Variants in TOGARAM1 observed in about 807,000 individuals in gnomAD.
TOGARAM1 encodes the protein TOG array regulator of axonemal microtubules 1, also known as TOG array regulator of axonemal microtubules protein 1.
A neutral mutation model predicts 166.6 loss-of-function variants in TOGARAM1; 100 were observed. The ratio of observed to expected loss-of-function variants is 0.60; its 90% confidence interval spans 0.51 to 0.71. The LOEUF is 0.71. Among genes scored for constraint, TOGARAM1 ranks in the 30% least tolerant of loss-of-function variants. TOGARAM1 has a pLI of 0.00. For synonymous variants in TOGARAM1, 758 were observed against 763.8 expected (o/e 0.99, Z 0.13); for missense variants, 2,029 against 2,102.7 (o/e 0.96, Z 0.69).
chr14:45,053,333 G>T (rs540582774), intron 15 of TOGARAM1, among the ~76,000 whole-genome samples: 1 of 152,046 alleles, frequency 6.6e-6, no homozygotes, highest in Non-Finnish European at 1.5e-5. Context: ...GAGCCAATGC[G>T]CCCAGCCATG....
intron 14 of TOGARAM1, among the ~76,000 whole-genome samples, chr14:45,051,552 G>C (rs913645570): frequency 3.0e-5 from 4 of 133,592 alleles, no homozygotes; most frequent in Non-Finnish European, 6.2e-5. Flanking sequence ...CCCAACAGAT[G>C]CTTTTTTTTT....
At chr14:45,034,383 T>G (rs1256353006) in intron 11 of TOGARAM1, among the ~76,000 whole-genome samples, 1 of 152,094 alleles carries the variant, frequency 6.6e-6, no homozygotes, top group African/African-American at 2.4e-5. Context: ...CCATGGTGAC[T>G]AGACTTTGCA....
At chr14:44,990,143 T>G (rs1348107580) in intron 1 of TOGARAM1, among the ~76,000 whole-genome samples, 1 of 152,136 alleles carries the variant, frequency 6.6e-6, no homozygotes, top group Non-Finnish European at 1.5e-5. Flanking sequence ...TTTAACCATA[T>G]CATAAACATA....
intron 4 of TOGARAM1, 95 bp from the exon 5 acceptor site, chr14:45,005,913 T>A (rs917269293): frequency 1.9e-5 from 22 of 1,153,212 alleles, no homozygotes; most frequent in African/African-American, 3.1e-5. Flanking sequence ...GTGCTTTTTT[T>A]ATTTTAAAAC....
intron 7 of TOGARAM1, among the ~76,000 whole-genome samples, chr14:45,021,611 T>C (rs1880513417): frequency 6.6e-6 from 1 of 150,994 alleles, no homozygotes; most frequent in African/African-American, 2.4e-5. Context: ...TTCCGGGTTC[T>C]TTTGGCAGTA....
intron 5 of TOGARAM1, 71 bp downstream of exon 5, chr14:45,006,338 A>C: frequency 5.3e-6 from 6 of 1,133,798 alleles, no homozygotes; most frequent in Non-Finnish European, 7.4e-6. Context: ...TATTTAAGGA[A>C]AAATCAAGTT....
intron 16 of TOGARAM1, among the ~76,000 whole-genome samples, chr14:45,063,839 G>A (rs965366051): frequency 7.9e-5 from 12 of 151,882 alleles, no homozygotes; most frequent in South Asian, 2.1e-4. Context: ...TTTTCAATTC[G>A]GCCTTGACCT....
At chr14:45,029,014 A>G (rs1186722790) in intron 10 of TOGARAM1, among the ~76,000 whole-genome samples, 1 of 152,230 alleles carries the variant, frequency 6.6e-6, no homozygotes, top group Admixed American at 6.5e-5. Context: ...TTTTGAAAGT[A>G]AAAATAAAAA....
At chr14:45,038,905 C>G (rs1881576143) in intron 11 of TOGARAM1, among the ~76,000 whole-genome samples, 1 of 152,200 alleles carries the variant, frequency 6.6e-6, no homozygotes, top group African/African-American at 2.4e-5. Flanking sequence ...CAGTATACCT[C>G]TCAGAAGACC....
intron 3 of TOGARAM1, 44 bp from the exon 4 acceptor site, chr14:45,004,017 A>G (rs374162164): frequency 6.7e-7 from 1 of 1,496,354 alleles, no homozygotes. Context: ...TAACTGTTAA[A>G]CTGTGTATAC....
intron 11 of TOGARAM1, among the ~76,000 whole-genome samples, chr14:45,033,566 G>A (rs1000485400): frequency 6.6e-6 from 1 of 152,074 alleles, no homozygotes; most frequent in African/African-American, 2.4e-5. Flanking sequence ...TGGCCCATGA[G>A]CCATAGTTTG....
At chr14:45,070,139 G>A (rs553965634) in intron 18 of TOGARAM1, among the ~76,000 whole-genome samples, 172 of 151,880 alleles carry the variant, frequency 1.1e-3, no homozygotes, top group Non-Finnish European at 1.6e-3. Context: ...CCAAGATCAC[G>A]CCACTGCACT....
chr14:45,017,803 T>C (rs1193649254), intron 7 of TOGARAM1, among the ~76,000 whole-genome samples: 1 of 152,172 alleles, frequency 6.6e-6, no homozygotes, highest in Non-Finnish European at 1.5e-5. Flanking sequence ...GAGAACTGCT[T>C]GAACCCGGGA....
At chr14:45,043,563 C>G in intron 11 of TOGARAM1, 123 bp from the exon 12 acceptor site, 1 of 654,404 alleles carries the variant, frequency 1.5e-6, no homozygotes, top group Non-Finnish European at 2.7e-6. Flanking sequence ...TTCTTCTGAG[C>G]CTTTCTCACC....
In TOGARAM1 at chr14:45,046,594, G is replaced by A. The variant is rs1298028897; in HGVS notation, c.4204G>A (p.Val1402Ile). 1.4e-5 allele frequency: 20 copies of A among 1,410,458 alleles called. No homozygotes were observed. The highest frequency in any genetic ancestry group is 2.7e-5 in the East Asian group (1 of 36,940). The allele number at this position is 1,410,458 out of a possible 1,614,324, so 87.4% of individuals were successfully genotyped here. The change falls in exon 14 of 20, where the codon GTA becomes ATA. Residue 1402 changes from valine (V) to isoleucine (I), a missense_variant. Val to Ile is a conservative substitution (Grantham distance 29). This residue lies in a region of TOGARAM1 where 576 missense variants were observed against 670.5 expected (regional missense o/e 0.86). Transcript: ENST00000361462. ...RRCTAQHLSD[V>I]LEFMEPERIL... ...GTGTACAGCCCAGCATTTATCAGAT[G>A]TATTGGAATTTATGGAACCAGAACG...
intron 11 of TOGARAM1, among the ~76,000 whole-genome samples, chr14:45,039,725 G>C (rs572215671): frequency 4.6e-5 from 7 of 152,312 alleles, no homozygotes; most frequent in Admixed American, 4.6e-4. Flanking sequence ...GAGCCTGTGG[G>C]GGGCAGGGGG....
intron 16 of TOGARAM1, among the ~76,000 whole-genome samples, chr14:45,057,284 GC>G (rs1381434616): frequency 6.6e-6 from 1 of 152,118 alleles, no homozygotes; most frequent in African/African-American, 2.4e-5. Context: ...GATGAATCTT[GC>G]GGGGTATGGG....
intron 11 of TOGARAM1, among the ~76,000 whole-genome samples, chr14:45,040,226 GAAATC>G (rs1297896286): frequency 8.6e-5 from 13 of 152,016 alleles, no homozygotes; most frequent in Admixed American, 5.9e-4. Context: ...GAAGAAATAA[GAAATC>G]AAAAGGAAAA....
At position 45,066,701 on chromosome 14, in the gene TOGARAM1, T is replaced by G; in HGVS notation, c.4683T>G (p.Asn1561Lys). The G allele has an allele frequency of 6.2e-7, 1 of 1,613,950 alleles. No homozygotes were observed. The highest frequency in any genetic ancestry group is 8.5e-7 in the Non-Finnish European group (1 of 1,179,852). ...LNAKDFRDRI[N>K]GIKQLLSDTE... ...CAAAAGACTTTCGTGATCGTATTAATGGGATTAAGCAGCTTTTATCAGATA... is the reference window on the plus strand; with the variant it reads ...CAAAAGACTTTCGTGATCGTATTAAGGGGATTAAGCAGCTTTTATCAGATA... Residue 1561 changes from asparagine to lysine, a missense_variant, in exon 17 of 20, where the codon AAT becomes AAG. By Grantham distance (94) the Asn-to-Lys change is moderately conservative. Coordinates refer to ENST00000361462, the MANE Select transcript of TOGARAM1 (RefSeq NM_001308120.2).
Sources: gnomAD v4.1 joint callset for allele counts (sites outside exome capture counted in the v4.1 genomes callset) on GRCh38, gnomAD v4.1.1 for gene constraint, gnomAD v4.1.1 regional missense constraint, MANE v1.5 for transcripts, NCBI Gene and HGNC (gene_info 2026-07-23, HGNC 2026-07-21) for gene names.